Variants in ZBBX observed in about 807,000 individuals in gnomAD.
ZBBX encodes the protein zinc finger B-box domain-containing protein 1.
A neutral mutation model predicts 108.5 loss-of-function variants in ZBBX; 101 were observed. The observed-to-expected ratio is 0.93, with a 90% CI of 0.79 to 1.10. The LOEUF (loss-of-function observed/expected upper bound fraction) is 1.10. Ranked by LOEUF, ZBBX falls within the 50% of genes least tolerant of loss-of-function variation. ZBBX has a pLI of 0.00. For synonymous variants in ZBBX, 356 were observed against 323.4 expected (o/e 1.10, Z -1.08); for missense variants, 1,009 against 941.4 (o/e 1.07, Z -0.94).
intron 4 of ZBBX, among the ~76,000 whole-genome samples, chr3:167,369,193 C>T (rs1035896721): frequency 3.3e-5 from 5 of 152,240 alleles, no homozygotes; most frequent in South Asian, 2.1e-4. Flanking sequence ...CTTCATTTTA[C>T]GAAGTCTGGT....
At chr3:167,375,318 G>A (rs1008586326) in intron 2 of ZBBX, among the ~76,000 whole-genome samples, 2 of 152,112 alleles carry the variant, frequency 1.3e-5, no homozygotes, top group African/African-American at 4.8e-5. Flanking sequence ...ATGGCTGGAC[G>A]CGGTGGCTGA....
intron 20 of ZBBX, among the ~76,000 whole-genome samples, chr3:167,251,335 G>C (rs780473319): frequency 1.3e-5 from 2 of 152,204 alleles, no homozygotes; most frequent in Non-Finnish European, 2.9e-5. Flanking sequence ...GTCTAACTGA[G>C]CTGGTTAACA....
intron 20 of ZBBX, among the ~76,000 whole-genome samples, chr3:167,247,475 T>C (rs1006539407): frequency 2.0e-5 from 3 of 152,116 alleles, no homozygotes; most frequent in Admixed American, 6.5e-5. Flanking sequence ...CCACGTGTGA[T>C]CCAATTCTTC....
intron 1 of ZBBX, among the ~76,000 whole-genome samples, chr3:167,397,481 C>T (rs1245908746): frequency 6.6e-6 from 1 of 151,804 alleles, no homozygotes; most frequent in East Asian, 1.9e-4. Context: ...TATTCCCTTA[C>T]TTTATCTTCT....
chr3:167,350,652 T>C lies in ZBBX; in HGVS notation c.433-137A>G, dbSNP rs530927892. 2.8e-4 allele frequency: 141 copies of C among 498,628 alleles called. 1 individual carries two copies. The highest frequency in any genetic ancestry group is 1.8e-3 in the South Asian group (35 of 19,246). The allele number at this position is 498,628 out of a possible 1,614,324, so 30.9% of individuals were successfully genotyped here. A position where few individuals can be genotyped will look rare whatever the true frequency, so the allele number is the denominator to read the frequency against. ...CCTATATCATCAGAATTGAGAAGCC[T>C]GTCCCAGGCTTCTCAACTAGTCCCT... On this transcript the variant is annotated intron_variant, in intron 8 of 21. Coordinates refer to ENST00000675490, the MANE Select transcript of ZBBX (RefSeq NM_001199201.2).
chr3:167,348,136 T>G (rs905942817), intron 9 of ZBBX, among the ~76,000 whole-genome samples: 2 of 149,866 alleles, frequency 1.3e-5, no homozygotes, highest in African/African-American at 4.9e-5. Context: ...TGGCAGTATC[T>G]TAAGTGTTCT....
At chr3:167,288,386 G>T (rs913600250) in intron 19 of ZBBX, among the ~76,000 whole-genome samples, 1 of 151,932 alleles carries the variant, frequency 6.6e-6, no homozygotes, top group Non-Finnish European at 1.5e-5. Flanking sequence ...AAGATTCCAG[G>T]GTCAATGCAT....
At chr3:167,194,179 GATTA>G in the ZBBX span, among the ~76,000 whole-genome samples, 1 of 149,778 alleles carries the variant, frequency 6.7e-6, no homozygotes, top group Non-Finnish European at 1.5e-5. Flanking sequence ...CAAATACCCT[GATTA>G]ATTATTACTA....
chr3:167,348,668 G>A (rs1742128507), intron 9 of ZBBX, among the ~76,000 whole-genome samples: 2 of 152,034 alleles, frequency 1.3e-5, no homozygotes, highest in South Asian at 4.1e-4. Context: ...GAGAGAGTCT[G>A]TAGATTGCCA....
chr3:167,186,274 T>C, the ZBBX span, among the ~76,000 whole-genome samples: 9 of 152,226 alleles, frequency 5.9e-5, no homozygotes, highest in East Asian at 1.5e-3. Flanking sequence ...AAGCATGGTC[T>C]ATCCATGCCC....
chr3:167,360,365 T>C (rs1005894642), intron 7 of ZBBX, among the ~76,000 whole-genome samples: 10 of 151,510 alleles, frequency 6.6e-5, no homozygotes, highest in Non-Finnish European at 1.5e-4. Context: ...TTTTAATTTA[T>C]AATTTACACT....
chr3:167,194,958 G>C, the ZBBX span, among the ~76,000 whole-genome samples: 1 of 152,146 alleles, frequency 6.6e-6, no homozygotes, highest in Non-Finnish European at 1.5e-5. Flanking sequence ...AGCACTGAGT[G>C]CTCCTGCCTT....
At chr3:167,271,140 C>A (rs1416498831) in intron 20 of ZBBX, among the ~76,000 whole-genome samples, 1 of 152,172 alleles carries the variant, frequency 6.6e-6, no homozygotes, top group African/African-American at 2.4e-5. Flanking sequence ...CAGGAAGGAA[C>A]CATCCATATT....
At chr3:167,234,629 C>G in the ZBBX span, among the ~76,000 whole-genome samples, 1 of 151,758 alleles carries the variant, frequency 6.6e-6, no homozygotes, top group Non-Finnish European at 1.5e-5. Flanking sequence ...CCACATAATT[C>G]AAACCACATT....
intron 8 of ZBBX, among the ~76,000 whole-genome samples, chr3:167,359,622 C>T (rs904762273): frequency 3.9e-5 from 6 of 151,938 alleles, no homozygotes; most frequent in Non-Finnish European, 5.9e-5. Context: ...CTCAAAGGAG[C>T]GGAGACAAGG....
chr3:167,198,885 G>T, the ZBBX span, among the ~76,000 whole-genome samples: 1 of 152,150 alleles, frequency 6.6e-6, no homozygotes, highest in Non-Finnish European at 1.5e-5. Flanking sequence ...TGAAAGTAAA[G>T]GTTATTTGGT....
chr3:167,198,437 C>G, the ZBBX span, among the ~76,000 whole-genome samples: 2 of 152,044 alleles, frequency 1.3e-5, no homozygotes, highest in East Asian at 3.9e-4. Flanking sequence ...ATGGCAGAGA[C>G]AAGAAAATCA....
At chr3:167,275,134 A>T (rs943782644) in intron 20 of ZBBX, among the ~76,000 whole-genome samples, 6 of 152,206 alleles carry the variant, frequency 3.9e-5, no homozygotes, top group African/African-American at 1.4e-4. Flanking sequence ...TACTTAAAAT[A>T]TATATTATGG....
At chr3:167,294,972 C>A (rs1731363400) in intron 18 of ZBBX, among the ~76,000 whole-genome samples, 1 of 152,092 alleles carries the variant, frequency 6.6e-6, no homozygotes, top group Non-Finnish European at 1.5e-5. Context: ...TAGAGAAATG[C>A]ATATCAAAAC....
Sources: gnomAD v4.1 joint callset for allele counts (sites outside exome capture counted in the v4.1 genomes callset) on GRCh38, gnomAD v4.1.1 for gene constraint, MANE v1.5 for transcripts, NCBI Gene and HGNC (gene_info 2026-07-23, HGNC 2026-07-21) for gene names.